SEMA5A: variants seen among roughly 807,000 people sequenced by gnomAD.
SEMA5A encodes the protein semaphorin-5A.
Under a neutral mutation model 135.5 loss-of-function variants are expected in SEMA5A, and 55 were observed. The observed-to-expected ratio is 0.41, with a 90% CI of 0.33 to 0.51. The LOEUF (loss-of-function observed/expected upper bound fraction) is 0.51, where lower values mean the gene tolerates loss of function less well. Ranked by LOEUF, SEMA5A falls within the 20% of genes least tolerant of loss-of-function variation. SEMA5A has a pLI of 0.37. For missense variants in SEMA5A, 1,290 were observed against 1,419.9 expected (o/e 0.91, Z 1.47); for synonymous variants, 580 against 546.5 (o/e 1.06, Z -0.85).
intron 11 of SEMA5A, among the ~76,000 whole-genome samples, chr5:9,161,137 T>A (rs1270507876): frequency 6.6e-6 from 1 of 152,156 alleles, no homozygotes; most frequent in African/African-American, 2.4e-5. Flanking sequence ...GGGAATTTTT[T>A]TTTTTTAATG....
Position 9,136,486 on chromosome 5 carries a change from G to C in SEMA5A, c.1599+18C>G, listed in dbSNP as rs374574480. On this transcript the variant is annotated intron_variant, in intron 13 of 22. Transcript: ENST00000382496. Reference sequence around the variant, plus strand: ...CCATGGGCAGCATTTTCAGAGGATGGAGAAGGTGGGCACTCACCGGACACG... The same window carrying C: ...CCATGGGCAGCATTTTCAGAGGATGCAGAAGGTGGGCACTCACCGGACACG... The C allele has an allele frequency of 2.5e-6, 4 of 1,597,594 alleles. No homozygotes were observed. The African/African-American group carries it at 5.4e-5, about 21-fold the overall frequency.
rs143914073 is a variant in SEMA5A, at chr5:9,478,227, G to A, written c.-174-40375C>T. ...GGATGTATGGAAACACCTGGATGTC[G>A]AGGCATAAGTCAGCTGCAGGGGCAG... On this transcript the variant is annotated intron_variant, in intron 1 of 22. Coordinates refer to ENST00000382496, the MANE Select transcript of SEMA5A (RefSeq NM_003966.3). Among the ~76,000 whole-genome samples the A allele has an allele frequency of 3.3e-3, 498 of 152,332 alleles. 3 individuals are homozygous for A. The highest frequency in any genetic ancestry group is 5.2e-3 in the Non-Finnish European group (354 of 68,014).
chr5:9,408,330 C>T (rs944716108), intron 2 of SEMA5A, among the ~76,000 whole-genome samples: 1 of 152,242 alleles, frequency 6.6e-6, no homozygotes, highest in African/African-American at 2.4e-5. Flanking sequence ...CTCCAGCTCA[C>T]ACTTCTTAAC....
chr5:9,206,338 A>T (rs1746014115), intron 8 of SEMA5A, among the ~76,000 whole-genome samples: 1 of 152,210 alleles, frequency 6.6e-6, no homozygotes, highest in South Asian at 2.1e-4. Flanking sequence ...ATATCATGTT[A>T]ATAAGAATTC....
At chr5:9,216,725 C>G (rs990912957) in intron 8 of SEMA5A, among the ~76,000 whole-genome samples, 1 of 152,156 alleles carries the variant, frequency 6.6e-6, no homozygotes, top group Non-Finnish European at 1.5e-5. Flanking sequence ...AATCCTTTAC[C>G]ATTATGTAAT....
intron 11 of SEMA5A, among the ~76,000 whole-genome samples, chr5:9,177,902 C>G (rs1744288076): frequency 1.3e-5 from 2 of 152,246 alleles, no homozygotes; most frequent in South Asian, 4.1e-4. Flanking sequence ...TTAATTTTTA[C>G]ATATTTGTCA....
At chr5:9,080,873 A>G (rs1267455545) in intron 16 of SEMA5A, among the ~76,000 whole-genome samples, 1 of 152,114 alleles carries the variant, frequency 6.6e-6, no homozygotes, top group Non-Finnish European at 1.5e-5. Context: ...GAATTCTAAG[A>G]AACCCCGAGA....
chr5:9,050,849 C>T (rs1184844296), intron 20 of SEMA5A, among the ~76,000 whole-genome samples: 2 of 152,212 alleles, frequency 1.3e-5, no homozygotes, highest in Non-Finnish European at 2.9e-5. Context: ...AGTGTTGTCA[C>T]CTTCCCGGCA....
At chr5:9,062,821 T>A (rs1737255526) in intron 18 of SEMA5A, 66 bp downstream of exon 18, 2 of 1,533,048 alleles carry the variant, frequency 1.3e-6, no homozygotes, top group Non-Finnish European at 1.8e-6. Context: ...TGAGGCCTGG[T>A]AAATTAGAAG....
chr5:9,312,366 T>A (rs1390816966), intron 5 of SEMA5A, among the ~76,000 whole-genome samples: 2 of 149,152 alleles, frequency 1.3e-5, no homozygotes, highest in Admixed American at 6.7e-5. Flanking sequence ...AAAAAAAAAT[T>A]ATCACAGTCT....
At chr5:9,311,981 A>C (rs945156306) in intron 5 of SEMA5A, among the ~76,000 whole-genome samples, 1 of 152,102 alleles carries the variant, frequency 6.6e-6, no homozygotes, top group African/African-American at 2.4e-5. Flanking sequence ...ACAATATAAA[A>C]ATGGATTTGG....
At chr5:9,245,848 C>T (rs374722549) in intron 5 of SEMA5A, among the ~76,000 whole-genome samples, 19 of 152,116 alleles carry the variant, frequency 1.2e-4, no homozygotes, top group African/African-American at 4.1e-4. Context: ...TTTAAGGAAC[C>T]AAATTTATCT....
intron 2 of SEMA5A, among the ~76,000 whole-genome samples, chr5:9,422,048 T>C (rs1209352246): frequency 6.6e-6 from 1 of 152,198 alleles, no homozygotes; most frequent in African/African-American, 2.4e-5. Flanking sequence ...AAAGAAGGAA[T>C]CAGCAGAAAA....
Position 9,180,172 on chromosome 5 carries a change from C to A in SEMA5A, c.1273+10095G>T, listed in dbSNP as rs563406983. 1.6e-4 allele frequency among the ~76,000 whole-genome samples: 25 copies of A among 152,278 alleles called. 1 individual carries two copies. The East Asian group carries it at 4.8e-3, about 29-fold the overall frequency. On this transcript the variant is annotated intron_variant, in intron 11 of 22. Transcript: ENST00000382496. The stretch of plus-strand genomic sequence containing the variant: ...GGTCCACTGTACTCCAGTATGACTT[C>A]ATCTGGACTTTACTAATTACATGCT...
rs1385 is a variant in SEMA5A at position 9,476,633 on chromosome 5, C to T, written c.-174-38781G>A. ...CTGAATCTCCAGCCCAATTGCCTAA[C>T]GCATCTCTCACCTTACCCACACTTC... On this transcript the variant is annotated intron_variant, in intron 1 of 22. Coordinates refer to ENST00000382496, the MANE Select transcript of SEMA5A (RefSeq NM_003966.3). 1.6e-3 allele frequency among the ~76,000 whole-genome samples: 237 copies of T among 152,286 alleles called. 1 individual carries two copies. Among genetic ancestry groups the T allele is most frequent in the Admixed American group, 2.5e-3 (38 of 15,288 alleles).
At chr5:9,130,849 A>G (rs10513005) in intron 13 of SEMA5A, among the ~76,000 whole-genome samples, 20,177 of 152,242 alleles carry the variant, frequency 0.13, 1,770 homozygotes, top group Non-Finnish European at 0.19. Flanking sequence ...AAGATTAGGT[A>G]TAATGTCAAA....
At chr5:9,341,880 C>T (rs975230359) in intron 3 of SEMA5A, among the ~76,000 whole-genome samples, 18 of 151,700 alleles carry the variant, frequency 1.2e-4, no homozygotes, top group African/African-American at 4.1e-4. Context: ...GTTGCCTTCT[C>T]TTACAGCTAC....
intron 6 of SEMA5A, among the ~76,000 whole-genome samples, chr5:9,232,547 G>A (rs1392039443): frequency 1.3e-5 from 2 of 152,130 alleles, no homozygotes; most frequent in Non-Finnish European, 2.9e-5. Context: ...TTGTATACAT[G>A]TATTACTTGT....
intron 21 of SEMA5A, among the ~76,000 whole-genome samples, chr5:9,049,577 G>A (rs1371452822): frequency 6.6e-6 from 1 of 152,238 alleles, no homozygotes; most frequent in Non-Finnish European, 1.5e-5. Context: ...GGCAATGCCT[G>A]TTGGGCTGGG....
Sources: allele counts gnomAD v4.1 joint callset (sites outside exome capture counted in the v4.1 genomes callset), GRCh38; gene constraint gnomAD v4.1.1; transcripts MANE v1.5; gene names NCBI Gene and HGNC (gene_info 2026-07-23, HGNC 2026-07-21).